Variants in MYH11 observed in about 807,000 individuals in gnomAD.
The protein encoded by MYH11 is myosin heavy chain 11.
A neutral mutation model predicts 246.6 loss-of-function variants in MYH11; 80 were observed. The ratio of observed to expected loss-of-function variants is 0.32; its 90% CI spans 0.27 to 0.39. The LOEUF (loss-of-function observed/expected upper bound fraction) is 0.39. MYH11 is among the 10% of genes least tolerant of loss of function. MYH11 has a pLI of 1.00. For synonymous variants in MYH11, 1,071 were observed against 1,015.5 expected (o/e 1.05, Z -1.04); for missense variants, 2,158 against 2,546.8 (o/e 0.85, Z 3.29).
At chr16:15,756,318 C>A (rs1287843216) in intron 14 of MYH11, 23 bp downstream of exon 14, 8 of 1,613,052 alleles carry the variant, frequency 5.0e-6, no homozygotes, top group Non-Finnish European at 6.8e-6. Context: ...GAGACAGAGT[C>A]CCCTGGGCCC....
intron 2 of MYH11, among the ~76,000 whole-genome samples, chr16:15,826,145 C>T (rs1483270875): frequency 8.1e-6 from 1 of 123,758 alleles, no homozygotes; most frequent in Non-Finnish European, 1.8e-5. Context: ...ATCGTTCGTT[C>T]ATTCATTCAT....
chr16:15,846,684 A>G (rs1309812710), intron 1 of MYH11, among the ~76,000 whole-genome samples: 1 of 152,230 alleles, frequency 6.6e-6, no homozygotes, highest in African/African-American at 2.4e-5. Flanking sequence ...CCCATCTCTA[A>G]GAAAAAATGT....
chr16:15,762,429 C>T (rs1239466023), intron 10 of MYH11, among the ~76,000 whole-genome samples: 1 of 152,124 alleles, frequency 6.6e-6, no homozygotes, highest in African/African-American at 2.4e-5. Flanking sequence ...AGAGTCTGAC[C>T]CTCCCTAAAT....
intron 3 of MYH11, among the ~76,000 whole-genome samples, chr16:15,799,993 T>C (rs532692519): frequency 6.9e-6 from 1 of 144,478 alleles, no homozygotes; most frequent in Admixed American, 7.0e-5. Context: ...GATGGGTGAA[T>C]GGAAGGGTGG....
At chr16:15,846,530 A>G (rs1316163305) in intron 1 of MYH11, among the ~76,000 whole-genome samples, 1 of 152,168 alleles carries the variant, frequency 6.6e-6, no homozygotes, top group African/African-American at 2.4e-5. Context: ...TGCCAGCCCT[A>G]TGAGTGTTCA....
chr16:15,826,718 G>A lies in MYH11; in HGVS notation c.346-3307C>T, dbSNP rs145114648. On this transcript the variant is annotated intron_variant, in intron 2 of 40. Transcript: ENST00000300036. The stretch of plus-strand genomic sequence containing the variant: ...CTTTGAAGGTACAGGATTGTTGGGC[G>A]CAGTGGTTCACACCTATGATCCCAG... Among the ~76,000 whole-genome samples the A allele has an allele frequency of 4.1e-4, 62 of 152,182 alleles. No homozygotes were observed. In the East Asian group the frequency reaches 0.011, roughly 27 times the overall value.
chr16:15,762,060 C>T (rs1343039594), intron 10 of MYH11, among the ~76,000 whole-genome samples: 2 of 152,208 alleles, frequency 1.3e-5, no homozygotes, highest in South Asian at 2.1e-4. Flanking sequence ...CTGCAATCTC[C>T]GCCTCCTGCG....
chr16:15,769,881 G>C (rs527741380), intron 9 of MYH11, among the ~76,000 whole-genome samples: 2 of 151,536 alleles, frequency 1.3e-5, no homozygotes, highest in African/African-American at 4.9e-5. Context: ...GGCTGGTCTC[G>C]AACTCCTGGG....
At chr16:15,760,887 C>A (rs2041853007) in intron 10 of MYH11, among the ~76,000 whole-genome samples, 1 of 152,120 alleles carries the variant, frequency 6.6e-6, no homozygotes, top group Admixed American at 6.6e-5. Context: ...GAAGCAGGCC[C>A]CAGTTGGGGG....
chr16:15,763,184 G>A (rs1567739204), intron 10 of MYH11, among the ~76,000 whole-genome samples: 2 of 152,074 alleles, frequency 1.3e-5, no homozygotes, highest in Admixed American at 6.6e-5. Context: ...AAATTTATCT[G>A]GACATCCTGT....
Position 15,726,886 on chromosome 16 carries a change from C to A in MYH11, c.3820G>T (p.Ala1274Ser). The change falls in exon 28 of 41, where the codon GCC (alanine) becomes TCC (serine). Residue 1274 changes from alanine to serine, a missense_variant. Ala to Ser is a moderately conservative substitution (Grantham distance 99). Coordinates refer to ENST00000300036, the MANE Select transcript of MYH11 (RefSeq NM_002474.3). ...ACTTTGTCATTGAGCTCCGCCCGGG[C>A]CCGCTCCCCATCGCTGCACTTGGAC... ...LQSKCSDGER[A>S]RAELNDKVHK... is the part of the protein sequence containing the mutation. 6.2e-7 allele frequency: 1 copy of A among 1,612,396 alleles called. No individual in the cohort carries two copies. The highest frequency in any genetic ancestry group is 8.5e-7 in the Non-Finnish European group (1 of 1,180,006).
In MYH11 at chr16:15,735,493, G is replaced by C. The variant is rs886038854; in HGVS notation, c.3379C>G (p.Leu1127Val). The change falls in exon 26 of 41, where the codon CTG (leucine) becomes GTG (valine). Residue 1127 changes from leucine to valine, a missense_variant. By Grantham distance (32) the Leu-to-Val change is conservative. This residue lies in a region of MYH11 where 284 missense variants were observed against 315.4 expected (regional missense o/e 0.90). Transcript: ENST00000300036. ...TTCCTGGCGGCCCGCTCTGAGTCCAGGTCCTCCTGGAGGTCTGAGATGTGG... is the reference window on the plus strand; with the variant it reads ...TTCCTGGCGGCCCGCTCTGAGTCCACGTCCTCCTGGAGGTCTGAGATGTGG... ...EGHISDLQEDLDSERAARNKA... is the reference protein window; with the variant it reads ...EGHISDLQEDVDSERAARNKA... 5.6e-6 allele frequency: 9 copies of C among 1,614,120 alleles called. No individual in the cohort carries two copies. The highest frequency in any genetic ancestry group is 7.6e-6 in the Non-Finnish European group (9 of 1,180,024).
intron 4 of MYH11, 140 bp downstream of exon 4, chr16:15,798,520 T>C (rs183800080): frequency 1.2e-5 from 11 of 883,308 alleles, no homozygotes; most frequent in African/African-American, 7.4e-5. Flanking sequence ...GTGCCAGGTA[T>C]AAAGAGAGGC....
At chr16:15,784,394 G>T (rs2042420449) in intron 5 of MYH11, among the ~76,000 whole-genome samples, 1 of 152,148 alleles carries the variant, frequency 6.6e-6, no homozygotes, top group Non-Finnish European at 1.5e-5. Context: ...GGTACCAGGA[G>T]CGGATGCTTT....
chr16:15,735,650 CTT>C (rs1041193166), intron 25 of MYH11, 72 bp from the exon 26 acceptor site: 5 of 1,483,838 alleles, frequency 3.4e-6, no homozygotes, highest in Non-Finnish European at 4.7e-6. Flanking sequence ...TGGCCAAAAA[CTT>C]TTCTGGGACC....
chr16:15,712,609 T>A (rs11859586), intron 40 of MYH11, among the ~76,000 whole-genome samples: 1 of 152,040 alleles, frequency 6.6e-6, no homozygotes. Flanking sequence ...GAGAACTAAG[T>A]TGATACCCTG....
In MYH11 at chr16:15,724,433, G is replaced by A. The variant is rs777634685; in HGVS notation, c.4117-24C>T. The A allele has an allele frequency of 1.9e-6, 3 of 1,613,114 alleles. No individual in the cohort carries two copies. In the East Asian group the frequency reaches 6.7e-5, roughly 36 times the overall value. On this transcript the variant is annotated intron_variant, in intron 30 of 40. Transcript: ENST00000300036. The stretch of plus-strand genomic sequence containing the variant: ...AGCTACAAGGACAGCGTCCAGGGTA[G>A]GGTGAGAGGGGGACCATGAGTGGCC...
intron 3 of MYH11, among the ~76,000 whole-genome samples, chr16:15,805,417 A>T (rs2042986215): frequency 1.3e-5 from 2 of 152,182 alleles, no homozygotes. Context: ...AAAGGTACAG[A>T]TGATATGGAA....
chr16:15,726,341 T>C lies in MYH11; in HGVS notation c.3858+507A>G, dbSNP rs140519946. 1,323 of 174,666 alleles carry C rather than the reference T, an allele frequency of 7.6e-3. 27 individuals are homozygous for C. Among genetic ancestry groups the C allele is most frequent in the African/African-American group, 0.029 (1,220 of 41,680 alleles). 10.8% of individuals were successfully genotyped at this position (174,666 alleles called of 1,614,324 possible). On this transcript the variant is annotated intron_variant, in intron 28 of 40. Transcript: ENST00000300036. ...ACAGCAGGTGCTCAATAAATACTTA[T>C]CAAATTGGAAAAGGAAGGGTTTTTT... is the stretch of plus-strand genomic sequence containing the variant.
Sources: allele counts gnomAD v4.1 joint callset (sites outside exome capture counted in the v4.1 genomes callset), GRCh38; gene constraint gnomAD v4.1.1; regional missense constraint gnomAD v4.1.1; transcripts MANE v1.5; gene names NCBI Gene and HGNC (gene_info 2026-07-23, HGNC 2026-07-21).